PARD3: variants seen among roughly 807,000 people sequenced by gnomAD.
The protein encoded by PARD3 is partitioning defective 3 homolog.
PARD3 carries 75 observed loss-of-function variants against 155.4 expected under a neutral mutation model. The observed-to-expected ratio is 0.48, with a 90% CI of 0.40 to 0.58. The LOEUF (loss-of-function observed/expected upper bound fraction) is 0.58, where lower values mean the gene tolerates loss of function less well. Ranked by LOEUF, PARD3 falls within the 20% of genes least tolerant of loss-of-function variation. The pLI is 0.00. For missense variants in PARD3, 1,642 were observed against 1,721.7 expected, an observed-to-expected ratio of 0.95 and a Z score of 0.82; for synonymous variants, 576 against 610.5, an observed-to-expected ratio of 0.94 and a Z score of 0.83.
chr10:34,237,241 T>A (rs1333681613), intron 22 of PARD3, among the ~76,000 whole-genome samples: 1 of 152,196 alleles, frequency 6.6e-6, no homozygotes, highest in Non-Finnish European at 1.5e-5. Context: ...CAGAATGTTA[T>A]CTTTGTTTTG....
intron 22 of PARD3, among the ~76,000 whole-genome samples, chr10:34,227,515 G>A (rs536779781): frequency 6.6e-6 from 1 of 152,292 alleles, no homozygotes; most frequent in African/African-American, 2.4e-5. Context: ...GTACATGCCT[G>A]TAATCCCAGC....
intron 2 of PARD3, among the ~76,000 whole-genome samples, chr10:34,600,194 A>AT (rs1408669378): frequency 1.3e-4 from 19 of 151,502 alleles, no homozygotes; most frequent in African/African-American, 4.4e-4. Flanking sequence ...AAAAAAAAAA[A>AT]AATTAACCAA....
intron 22 of PARD3, among the ~76,000 whole-genome samples, chr10:34,207,263 G>A (rs909454910): frequency 6.6e-6 from 1 of 152,140 alleles, no homozygotes; most frequent in African/African-American, 2.4e-5. Context: ...TGGTTGTTTT[G>A]TCACTCTTGG....
chr10:34,481,960 T>C (rs1187772598), intron 3 of PARD3, among the ~76,000 whole-genome samples: 2 of 150,874 alleles, frequency 1.3e-5, no homozygotes, highest in Non-Finnish European at 3.0e-5. Flanking sequence ...GCCTCCTATG[T>C]AGCTGGGACC....
At chr10:34,321,811 G>A (rs1404359163) in intron 19 of PARD3, among the ~76,000 whole-genome samples, 4 of 152,184 alleles carry the variant, frequency 2.6e-5, no homozygotes, top group East Asian at 1.9e-4. Context: ...GGGCATTTAC[G>A]TGTTAATGAT....
intron 22 of PARD3, among the ~76,000 whole-genome samples, chr10:34,196,568 CTTTT>C (rs71523319): frequency 2.1e-5 from 2 of 97,410 alleles, no homozygotes; most frequent in South Asian, 3.5e-4. Context: ...GTACCCTTTT[CTTTT>C]TTTTTTTTTT....
chr10:34,554,252 A>G (rs2084814514), intron 2 of PARD3, among the ~76,000 whole-genome samples: 1 of 152,252 alleles, frequency 6.6e-6, no homozygotes, highest in Non-Finnish European at 1.5e-5. Flanking sequence ...CAAAAATGTA[A>G]CATGTAGATC....
At chr10:34,345,563 A>G (rs1388902356) in intron 15 of PARD3, 1 of 985,188 alleles carries the variant, frequency 1.0e-6, no homozygotes, top group African/African-American at 1.7e-5. Flanking sequence ...AGGAATATCT[A>G]TGCGCCTAGA....
In PARD3 at chr10:34,605,658, C is replaced by CTA. The variant is rs373595822; in HGVS notation, c.223-88501_223-88500dup. Among the ~76,000 whole-genome samples, 5 of 42,600 alleles carry CTA rather than the reference C, an allele frequency of 1.2e-4. 2 individuals carry two copies. The highest frequency in any genetic ancestry group is 0.03 in the Middle Eastern group (2 of 66). 27.9% of individuals were successfully genotyped at this position (42,600 alleles called of 152,430 possible). On this transcript the variant is annotated intron_variant, in intron 2 of 24. Coordinates refer to ENST00000374788, the MANE Select transcript of PARD3 (RefSeq NM_001184785.2). ...TATATCTCCTATATATATATATCTC[C>CTA]TATATATATATCTCCTATATATATA...
intron 22 of PARD3, among the ~76,000 whole-genome samples, chr10:34,225,338 G>GT (rs1252763048): frequency 6.7e-6 from 1 of 150,082 alleles, no homozygotes; most frequent in South Asian, 2.1e-4. Context: ...GACTGGACTA[G>GT]TTTTTTTTCT....
chr10:34,340,171 T>C (rs1836653569), intron 16 of PARD3, among the ~76,000 whole-genome samples: 1 of 152,222 alleles, frequency 6.6e-6, no homozygotes, highest in African/African-American at 2.4e-5. Context: ...TTAGGGAAAT[T>C]AATGCCACAA....
rs191267145 is a variant in PARD3, at chr10:34,156,317, A to G, written c.3420-24734T>C. Among the ~76,000 whole-genome samples, 13 of 152,186 alleles carry G rather than the reference A, an allele frequency of 8.5e-5. No individual in the cohort carries two copies. In the East Asian group the frequency reaches 2.5e-3, roughly 29 times the overall value. Reference sequence around the variant, plus strand: ...TTGTTATATTGTCCAGGCAGGTCTCAGACTCCAGGGCTCCAGTGATCCTGC... The same window carrying G: ...TTGTTATATTGTCCAGGCAGGTCTCGGACTCCAGGGCTCCAGTGATCCTGC... On this transcript the variant is annotated intron_variant, in intron 22 of 24. Coordinates refer to ENST00000374788, the MANE Select transcript of PARD3 (RefSeq NM_001184785.2).
Position 34,554,215 on chromosome 10 carries a change from A to G in PARD3, c.223-37056T>C, listed in dbSNP as rs1200009143. On this transcript the variant is annotated intron_variant, in intron 2 of 24. Coordinates refer to ENST00000374788, the MANE Select transcript of PARD3 (RefSeq NM_001184785.2). ...CAAAACATCAGGTTTTCACAGCACA[A>G]TGCAAAATGTTATATGCACTCTAAA... 2.0e-5 allele frequency among the ~76,000 whole-genome samples: 3 copies of G among 152,244 alleles called. No individual in the cohort carries two copies. The East Asian group carries it at 5.8e-4, about 29-fold the overall frequency.
intron 2 of PARD3, among the ~76,000 whole-genome samples, chr10:34,589,452 A>T (rs1337656483): frequency 1.3e-5 from 2 of 152,002 alleles, no homozygotes; most frequent in Non-Finnish European, 2.9e-5. Context: ...AAGAAGAAAA[A>T]ATTTGGACAC....
At chr10:34,655,624 T>C (rs2093145551) in intron 2 of PARD3, among the ~76,000 whole-genome samples, 1 of 152,188 alleles carries the variant, frequency 6.6e-6, no homozygotes, top group South Asian at 2.1e-4. Context: ...GAGGGCAGAA[T>C]GCAGAGGAGA....
chr10:34,606,247 G>GC, intron 2 of PARD3, among the ~76,000 whole-genome samples: 1 of 149,638 alleles, frequency 6.7e-6, no homozygotes, highest in South Asian at 2.1e-4. Context: ...GACTAAAACA[G>GC]CGTATGTCTA....
In PARD3 at chr10:34,470,235, A is replaced by G. The variant is rs2078264347; in HGVS notation, c.432T>C (p.Ser144=). Residue 144 remains serine (S), a synonymous_variant, in exon 4 of 25, where the codon AGT becomes AGC. Coordinates refer to ENST00000374788, the MANE Select transcript of PARD3 (RefSeq NM_001184785.2). The stretch of plus-strand genomic sequence containing the variant: ...TGGAGAGGCCAATTAGAGCTGGGTC[A>G]CTACTGCGTCGAACATGAAGAGGCA... ...ANMPLHVRRS[S]DPALIGLSTS... is the part of the protein sequence containing the mutation. 1.9e-6 allele frequency: 3 copies of G among 1,609,104 alleles called. No homozygotes were observed. In the East Asian group the frequency reaches 6.7e-5, roughly 36 times the overall value.
At chr10:34,637,244 C>T (rs2092510471) in intron 2 of PARD3, among the ~76,000 whole-genome samples, 1 of 152,122 alleles carries the variant, frequency 6.6e-6, no homozygotes, top group Non-Finnish European at 1.5e-5. Context: ...CAAGTATTTT[C>T]CATTCTTTTC....
At chr10:34,512,449 C>T (rs763198724) in intron 3 of PARD3, among the ~76,000 whole-genome samples, 7 of 152,210 alleles carry the variant, frequency 4.6e-5, no homozygotes, top group Middle Eastern at 3.2e-3. Flanking sequence ...CTGGCCCACC[C>T]TAGTAATCTT....
Sources: gnomAD v4.1 joint callset for allele counts (sites outside exome capture counted in the v4.1 genomes callset) on GRCh38, gnomAD v4.1.1 for gene constraint, MANE v1.5 for transcripts, NCBI Gene and HGNC (gene_info 2026-07-23, HGNC 2026-07-21) for gene names.